Variants in BRINP3 observed in about 807,000 individuals in gnomAD.
BRINP3 encodes BMP/retinoic acid inducible neural specific 3, also known as BMP/retinoic acid-inducible neural-specific protein 3.
Under a neutral mutation model 71.0 loss-of-function variants are expected in BRINP3, and 19 were observed. The observed-to-expected ratio is 0.27, with a 90% CI of 0.19 to 0.39. The LOEUF (loss-of-function observed/expected upper bound fraction) is 0.39, where lower values mean the gene tolerates loss of function less well. Among genes scored for constraint, BRINP3 ranks in the 10% least tolerant of loss-of-function variants. The pLI, the probability that BRINP3 is intolerant of heterozygous loss-of-function variation, is 1.00. For synonymous variants in BRINP3, 380 were observed against 337.7 expected (o/e 1.13, Z -1.37); for missense variants, 959 against 940.8 (o/e 1.02, Z -0.25).
chr1:190,237,159 G>A (rs1333722901), intron 4 of BRINP3, among the ~76,000 whole-genome samples: 6 of 151,392 alleles, frequency 4.0e-5, no homozygotes, highest in East Asian at 1.9e-4. Flanking sequence ...CTCATCATTC[G>A]CAATATACAA....
intron 2 of BRINP3, among the ~76,000 whole-genome samples, chr1:190,316,384 C>G (rs1665883850): frequency 6.6e-6 from 1 of 151,936 alleles, no homozygotes; most frequent in South Asian, 2.1e-4. Flanking sequence ...CAGAATTGAG[C>G]CAAAGAAGTG....
At chr1:190,249,961 T>C (rs148569010) in intron 4 of BRINP3, among the ~76,000 whole-genome samples, 1,853 of 151,944 alleles carry the variant, frequency 0.012, 24 homozygotes, top group Middle Eastern at 0.031. Flanking sequence ...GGAAAGAAAA[T>C]ACAATTAAGG....
chr1:190,162,330 G>A (rs973156816), intron 6 of BRINP3, among the ~76,000 whole-genome samples: 13 of 151,568 alleles, frequency 8.6e-5, no homozygotes, highest in African/African-American at 1.7e-4. Context: ...ATTACAGTGC[G>A]TGCCACCAGG....
At chr1:190,354,944 G>T (rs1000771558) in intron 2 of BRINP3, among the ~76,000 whole-genome samples, 18 of 151,222 alleles carry the variant, frequency 1.2e-4, no homozygotes, top group African/African-American at 4.1e-4. Flanking sequence ...TATATTTGAG[G>T]CTCCATATAT....
intron 2 of BRINP3, among the ~76,000 whole-genome samples, chr1:190,406,249 G>C (rs1198437506): frequency 6.6e-6 from 1 of 152,078 alleles, no homozygotes; most frequent in Non-Finnish European, 1.5e-5. Context: ...CTAATTCTTA[G>C]ACACAATACT....
chr1:190,412,465 T>G (rs1460369845), intron 2 of BRINP3, among the ~76,000 whole-genome samples: 1 of 133,870 alleles, frequency 7.5e-6, no homozygotes, highest in Non-Finnish European at 1.6e-5. Flanking sequence ...TGTTTTTTTT[T>G]GTTTTTTTTT....
chr1:190,344,726 T>C (rs576289806), intron 2 of BRINP3, among the ~76,000 whole-genome samples: 2 of 151,938 alleles, frequency 1.3e-5, no homozygotes, highest in African/African-American at 4.8e-5. Flanking sequence ...AGGAGGTAGT[T>C]GAAAAGTTTA....
chr1:190,386,871 A>G (rs1296585806), intron 2 of BRINP3, among the ~76,000 whole-genome samples: 1 of 152,086 alleles, frequency 6.6e-6, no homozygotes, highest in Non-Finnish European at 1.5e-5. Flanking sequence ...TTTGTTTATT[A>G]TATTTTCTTT....
intron 2 of BRINP3, among the ~76,000 whole-genome samples, chr1:190,329,971 T>C (rs1558187139): frequency 1.3e-5 from 2 of 150,376 alleles, no homozygotes; most frequent in African/African-American, 4.9e-5. Flanking sequence ...CCATTCATCA[T>C]AAAAAAAAAG....
chr1:190,374,428 A>T (rs1386388382), intron 2 of BRINP3, among the ~76,000 whole-genome samples: 1 of 152,166 alleles, frequency 6.6e-6, no homozygotes, highest in African/African-American at 2.4e-5. Context: ...TATCCAACAC[A>T]GTACTAGATG....
chr1:190,455,625 G>T (rs1054284016), intron 1 of BRINP3, among the ~76,000 whole-genome samples: 2 of 151,830 alleles, frequency 1.3e-5, no homozygotes, highest in Non-Finnish European at 2.9e-5. Context: ...TCATTATTCT[G>T]TTAGGAAAAA....
chr1:190,121,208 C>T (rs1323035098), intron 7 of BRINP3, among the ~76,000 whole-genome samples: 1 of 152,092 alleles, frequency 6.6e-6, no homozygotes, highest in Non-Finnish European at 1.5e-5. Context: ...TAAGAGCAGA[C>T]TGCCACTACT....
At chr1:190,312,497 A>T (rs1354242561) in intron 2 of BRINP3, among the ~76,000 whole-genome samples, 2 of 151,658 alleles carry the variant, frequency 1.3e-5, no homozygotes, top group African/African-American at 4.8e-5. Context: ...CTTTCCCAAG[A>T]GTTCAGAGTA....
chr1:190,285,456 A>C (rs1008313551), intron 2 of BRINP3, among the ~76,000 whole-genome samples: 1 of 152,086 alleles, frequency 6.6e-6, no homozygotes, highest in Non-Finnish European at 1.5e-5. Flanking sequence ...GAATGAACTG[A>C]AAGTAAATTT....
intron 7 of BRINP3, among the ~76,000 whole-genome samples, chr1:190,111,182 TAAAAA>T (rs750953190): frequency 3.2e-5 from 2 of 61,812 alleles, no homozygotes; most frequent in Admixed American, 2.4e-4. Flanking sequence ...AAGACTCCAT[TAAAAA>T]AAAAAAAAAA....
intron 4 of BRINP3, among the ~76,000 whole-genome samples, chr1:190,263,684 G>T (rs888429364): frequency 6.7e-6 from 1 of 149,736 alleles, no homozygotes; most frequent in Non-Finnish European, 1.5e-5. Flanking sequence ...CTGCCTCCCA[G>T]GTTCATGCCA....
At chr1:190,387,713 G>A (rs1671000585) in intron 2 of BRINP3, among the ~76,000 whole-genome samples, 2 of 151,756 alleles carry the variant, frequency 1.3e-5, no homozygotes, top group South Asian at 4.2e-4. Context: ...GCTTTGAAGT[G>A]TAGCAATGCT....
chr1:190,157,531 C>T (rs1656974797), intron 7 of BRINP3, among the ~76,000 whole-genome samples: 1 of 152,030 alleles, frequency 6.6e-6, no homozygotes, highest in Non-Finnish European at 1.5e-5. Context: ...TATAACCAGA[C>T]TCATCAATTT....
At chr1:190,259,810 A>G (rs1462281540) in intron 4 of BRINP3, among the ~76,000 whole-genome samples, 1 of 151,772 alleles carries the variant, frequency 6.6e-6, no homozygotes, top group Non-Finnish European at 1.5e-5. Context: ...CGGGTGAAAC[A>G]CCTGAGGTCA....
Sources: gnomAD v4.1 joint callset for allele counts (sites outside exome capture counted in the v4.1 genomes callset) on GRCh38, gnomAD v4.1.1 for gene constraint, MANE v1.5 for transcripts, NCBI Gene and HGNC (gene_info 2026-07-23, HGNC 2026-07-21) for gene names.